CHRNA1: variants seen among roughly 807,000 people sequenced by gnomAD.
CHRNA1 encodes the protein acetylcholine receptor subunit alpha.
In CHRNA1, 35 loss-of-function variants were observed where a neutral mutation model predicts 47.1. That is an observed-to-expected ratio of 0.74 (90% CI 0.57 to 0.99). The LOEUF (loss-of-function observed/expected upper bound fraction) is 0.99. Ranked by LOEUF, CHRNA1 falls within the 50% of genes least tolerant of loss-of-function variation. CHRNA1 has a pLI of 0.00. For synonymous variants in CHRNA1, 229 were observed against 223.6 expected (o/e 1.02, Z -0.22); for missense variants, 506 against 591.1 (o/e 0.86, Z 1.49).
chr2:174,758,088 T>A (rs1425744216), intron 3 of CHRNA1: 7 of 1,609,448 alleles, frequency 4.3e-6, no homozygotes, highest in Non-Finnish European at 5.1e-6. Context: ...ACATCATTTT[T>A]AAAAAGTACC....
Position 174,754,434 on chromosome 2 carries a change from G to T in CHRNA1, c.345-20C>A. ...TCTGCACTACAATTGGGATAAAAGA[G>T]GAAAATGGCTCCAAGTGACAGATGA... On this transcript the variant is annotated intron_variant, in intron 4 of 8. Transcript: ENST00000348749. 6.2e-7 allele frequency: 1 copy of T among 1,611,582 alleles called. No individual in the cohort carries two copies. The highest frequency in any genetic ancestry group is 1.3e-5 in the African/African-American group (1 of 74,956).
chr2:174,751,318 G>C (rs1341718120), intron 6 of CHRNA1, among the ~76,000 whole-genome samples: 1 of 139,106 alleles, frequency 7.2e-6, no homozygotes, highest in African/African-American at 2.4e-5. Flanking sequence ...CAGCAGAGAA[G>C]CTCTGGGAGG....
At chr2:174,763,326 G>GCACA (rs1302432601) in intron 1 of CHRNA1, among the ~76,000 whole-genome samples, 8 of 99,174 alleles carry the variant, frequency 8.1e-5, no homozygotes, top group Admixed American at 3.9e-4. Context: ...GTGTGCACGC[G>GCACA]CGCGCACACA....
intron 4 of CHRNA1, among the ~76,000 whole-genome samples, chr2:174,755,175 G>T (rs78597568): frequency 2.6e-5 from 4 of 152,008 alleles, no homozygotes; most frequent in Non-Finnish European, 5.9e-5. Context: ...GTGAGCCACC[G>T]TGCCTGACTG....
intron 4 of CHRNA1, among the ~76,000 whole-genome samples, chr2:174,756,612 A>G (rs939640926): frequency 6.6e-5 from 10 of 152,228 alleles, no homozygotes; most frequent in Admixed American, 6.5e-4. Context: ...TGGAAGAGAA[A>G]CTGAAAGATA....
At chr2:174,763,237 G>A (rs1223583362) in intron 1 of CHRNA1, among the ~76,000 whole-genome samples, 2 of 152,226 alleles carry the variant, frequency 1.3e-5, no homozygotes, top group South Asian at 4.1e-4. Flanking sequence ...AAAATCCTAA[G>A]AGATCTCTTA....
At chr2:174,760,759 GTCCATGTC>G (rs1684087001) in intron 1 of CHRNA1, among the ~76,000 whole-genome samples, 1 of 152,152 alleles carries the variant, frequency 6.6e-6, no homozygotes, top group South Asian at 2.1e-4. Flanking sequence ...CTGCTGGCAG[GTCCATGTC>G]CCAGTTAAGT....
chr2:174,758,149 C>T (rs1348295058), intron 3 of CHRNA1: 2 of 1,384,862 alleles, frequency 1.4e-6, no homozygotes, highest in Non-Finnish European at 2.0e-6. Context: ...TGGCTCATGC[C>T]TGTAATCCCA....
chr2:174,754,487 C>A, intron 4 of CHRNA1, 73 bp from the exon 5 acceptor site: 1 of 1,303,252 alleles, frequency 7.7e-7, no homozygotes, highest in South Asian at 1.2e-5. Context: ...GGGACGTTAA[C>A]AGGAGACAGC....
At chr2:174,757,743 G>A (rs1322156561) in intron 3 of CHRNA1, 68 bp from the exon 4 acceptor site, 2 of 1,338,864 alleles carry the variant, frequency 1.5e-6, no homozygotes, top group East Asian at 4.6e-5. Context: ...GTTATCAAGA[G>A]CCCTGATGTG....
chr2:174,757,754 C>G, intron 3 of CHRNA1, 79 bp from the exon 4 acceptor site: 1 of 1,264,314 alleles, frequency 7.9e-7, no homozygotes, highest in Non-Finnish European at 1.2e-6. Context: ...CCCTGATGTG[C>G]ATGGGAATTC....
chr2:174,751,711 C>T (rs1365510553), intron 6 of CHRNA1, among the ~76,000 whole-genome samples: 1 of 149,592 alleles, frequency 6.7e-6, no homozygotes, highest in East Asian at 2.0e-4. Flanking sequence ...GGGAGTCTCA[C>T]TCTGTTGCCC....
In CHRNA1 at chr2:174,758,180, G is replaced by C. The variant is rs927000532; in HGVS notation, c.235-505C>G. On this transcript the variant is annotated intron_variant, in intron 3 of 8. Coordinates refer to ENST00000348749, the MANE Select transcript of CHRNA1 (RefSeq NM_000079.4). ...TCCCAGCACTTTGGGAGGCTGAGGT[G>C]GGTGGATCACCTGAGGTCAGGAGTT... 9.2e-5 allele frequency among the ~76,000 whole-genome samples: 14 copies of C among 152,230 alleles called. 2 individuals carry two copies. In the Middle Eastern group the frequency reaches 0.024, roughly 259 times the overall value.
intron 1 of CHRNA1, among the ~76,000 whole-genome samples, chr2:174,759,886 G>A (rs1261345151): frequency 6.6e-6 from 1 of 150,636 alleles, no homozygotes; most frequent in Admixed American, 6.6e-5. Context: ...CTTTGGACAG[G>A]TGACATTCCT....
At chr2:174,754,703 A>G (rs1431885376) in intron 4 of CHRNA1, among the ~76,000 whole-genome samples, 1 of 152,066 alleles carries the variant, frequency 6.6e-6, no homozygotes, top group African/African-American at 2.4e-5. Context: ...ATAACAGGTA[A>G]CATGGGTCCA....
chr2:174,764,235 T>A, intron 1 of CHRNA1, 117 bp downstream of exon 1: 2 of 1,028,654 alleles, frequency 1.9e-6, no homozygotes, highest in Non-Finnish European at 3.0e-6. Flanking sequence ...CAGCCCCTGG[T>A]TGGGGAGGCT....
At chr2:174,757,096 G>T (rs775120698) in intron 4 of CHRNA1, among the ~76,000 whole-genome samples, 15 of 152,064 alleles carry the variant, frequency 9.9e-5, no homozygotes, top group Non-Finnish European at 1.0e-4. Flanking sequence ...ACCCTAGGAG[G>T]CTCAGAAATA....
intron 3 of CHRNA1, 139 bp downstream of exon 3, chr2:174,759,192 C>T: frequency 1.0e-6 from 1 of 1,005,020 alleles, no homozygotes; most frequent in Non-Finnish European, 1.5e-6. Flanking sequence ...CAAACAGGAT[C>T]CATGCTTTCA....
chr2:174,753,872 C>T (rs1026930417), intron 5 of CHRNA1, 132 bp from the exon 6 acceptor site: 2 of 873,430 alleles, frequency 2.3e-6, no homozygotes, highest in African/African-American at 1.7e-5. Flanking sequence ...CTGTGGGACA[C>T]TACTGCTTTG....
Sources: allele counts gnomAD v4.1 joint callset (sites outside exome capture counted in the v4.1 genomes callset), GRCh38; gene constraint gnomAD v4.1.1; transcripts MANE v1.5; gene names NCBI Gene and HGNC (gene_info 2026-07-23, HGNC 2026-07-21).